The following EHD3 variants were observed in gnomAD, a reference collection of about 807,000 sequenced individuals.
The protein encoded by EHD3 is EH domain-containing protein 3.
Under a neutral mutation model 43.0 loss-of-function variants are expected in EHD3, and 17 were observed. The observed-to-expected ratio is 0.40, with a 90% CI of 0.27 to 0.59. The LOEUF is 0.59. Among genes scored for constraint, EHD3 ranks in the 20% least tolerant of loss-of-function variants. The pLI is 0.49. For synonymous variants in EHD3, 313 were observed against 289.5 expected, an observed-to-expected ratio of 1.08 and a Z score of -0.82; for missense variants, 594 against 705.6, an observed-to-expected ratio of 0.84 and a Z score of 1.79.
intron 1 of EHD3, among the ~76,000 whole-genome samples, chr2:31,237,746 A>T (rs892849024): frequency 2.0e-5 from 3 of 152,204 alleles, no homozygotes; most frequent in Admixed American, 2.0e-4. Flanking sequence ...CTATGTTATA[A>T]GCGTTATTTG....
intron 3 of EHD3, among the ~76,000 whole-genome samples, chr2:31,256,938 C>T (rs1558651016): frequency 6.6e-6 from 1 of 152,228 alleles, no homozygotes; most frequent in Non-Finnish European, 1.5e-5. Context: ...GCATAGGACT[C>T]AACACTGGCT....
chr2:31,250,250 C>CATCATCAT (rs1683609122), intron 3 of EHD3, among the ~76,000 whole-genome samples: 2 of 149,678 alleles, frequency 1.3e-5, no homozygotes. Context: ...AGATGATCAT[C>CATCATCAT]ATCATCATCG....
intron 5 of EHD3, among the ~76,000 whole-genome samples, chr2:31,264,412 A>G (rs1683905460): frequency 6.6e-6 from 1 of 152,198 alleles, no homozygotes; most frequent in South Asian, 2.1e-4. Flanking sequence ...GTGAAGGCCT[A>G]GGACATCACT....
chr2:31,236,262 A>G (rs539317387), intron 1 of EHD3, among the ~76,000 whole-genome samples: 21 of 152,322 alleles, frequency 1.4e-4, no homozygotes, highest in Admixed American at 2.6e-4. Context: ...TAAGAGGCCA[A>G]GTGATTTCTG....
chr2:31,236,702 G>A (rs1157932625), intron 1 of EHD3, among the ~76,000 whole-genome samples: 2 of 152,322 alleles, frequency 1.3e-5, no homozygotes, highest in African/African-American at 4.8e-5. Flanking sequence ...CTCCTTCCTG[G>A]TGTACAATCA....
At chr2:31,252,053 G>A (rs562296824) in intron 3 of EHD3, among the ~76,000 whole-genome samples, 8 of 152,270 alleles carry the variant, frequency 5.3e-5, no homozygotes, top group South Asian at 2.1e-4. Flanking sequence ...CCTGACCAGC[G>A]GGTCCAGAGA....
At chr2:31,261,412 G>A (rs1683852526) in intron 4 of EHD3, 137 bp from the exon 5 acceptor site, 2 of 1,060,488 alleles carry the variant, frequency 1.9e-6, no homozygotes, top group Non-Finnish European at 2.7e-6. Context: ...TGAGGGTAGA[G>A]GTAGAAATTA....
chr2:31,241,519 TC>T (rs1364724903), intron 1 of EHD3, among the ~76,000 whole-genome samples: 4 of 152,152 alleles, frequency 2.6e-5, no homozygotes, highest in African/African-American at 7.2e-5. Context: ...TCCCCAGAAC[TC>T]CCTGTGAGAT....
Position 31,266,203 on chromosome 2 carries a change from C to G in EHD3, c.1107C>G (p.Ser369Arg). 1.2e-6 allele frequency: 2 copies of G among 1,612,310 alleles called. No homozygotes were observed. Among genetic ancestry groups the G allele is most frequent in the Non-Finnish European group, 1.7e-6 (2 of 1,178,578 alleles). Residue 369 changes from serine to arginine, a missense_variant, in exon 6 of 6, where the codon AGC becomes AGG. Around this residue, in one of 3 missense-constraint regions of EHD3, gnomAD observed 322 missense variants for 348.0 expected, o/e 0.93. Transcript: ENST00000322054. The surrounding 1 kb of genome is among the most constrained non-coding windows in gnomAD (Gnocchi z 5.1). The stretch of plus-strand genomic sequence containing the variant: ...ACCAGCTGCAGGCCCAGGACTTTAG[C>G]AAGTTCCAGCCGCTGAAGAGCAAGC... Reference protein sequence around the residue: ...MQDQLQAQDFSKFQPLKSKLL... With the variant: ...MQDQLQAQDFRKFQPLKSKLL...
At chr2:31,259,486 T>C (rs550181202) in intron 3 of EHD3, among the ~76,000 whole-genome samples, 10 of 152,160 alleles carry the variant, frequency 6.6e-5, no homozygotes, top group Non-Finnish European at 1.3e-4. Flanking sequence ...TACTTGGGAT[T>C]GAGCAGAACA....
intron 3 of EHD3, among the ~76,000 whole-genome samples, chr2:31,256,708 C>G (rs1205649866): frequency 6.6e-6 from 1 of 152,248 alleles, no homozygotes; most frequent in African/African-American, 2.4e-5. Context: ...ACACAGCCTT[C>G]TCTTACATCG....
intron 2 of EHD3, among the ~76,000 whole-genome samples, chr2:31,246,089 C>A (rs939125304): frequency 6.6e-6 from 1 of 151,942 alleles, no homozygotes; most frequent in Non-Finnish European, 1.5e-5. Context: ...GAGAGAGAGG[C>A]CCAGGCATGG....
chr2:31,245,744 T>TTG (rs1683510254), intron 2 of EHD3, among the ~76,000 whole-genome samples: 1 of 142,300 alleles, frequency 7.0e-6, no homozygotes, highest in African/African-American at 2.6e-5. Flanking sequence ...TGTTTTTTTT[T>TTG]TTTTTTTTTT....
chr2:31,249,275 A>G (rs1277208838), intron 2 of EHD3, 96 bp from the exon 3 acceptor site: 4 of 1,091,762 alleles, frequency 3.7e-6, no homozygotes, highest in Non-Finnish European at 5.5e-6. Context: ...ATGCACCTGC[A>G]GCTCACCTGA....
At chr2:31,247,566 C>T (rs1270031213) in intron 2 of EHD3, among the ~76,000 whole-genome samples, 2 of 152,110 alleles carry the variant, frequency 1.3e-5, no homozygotes, top group East Asian at 1.9e-4. Flanking sequence ...GAAATGTGGC[C>T]ACAGGAGGGG....
At chr2:31,239,116 C>T (rs618558) in intron 1 of EHD3, among the ~76,000 whole-genome samples, 29,425 of 152,156 alleles carry the variant, frequency 0.19, 4,103 homozygotes, top group African/African-American at 0.4. Context: ...TTGCTGTGGC[C>T]GCACCAGCTC....
chr2:31,258,324 C>T (rs1220449315), intron 3 of EHD3, among the ~76,000 whole-genome samples: 2 of 152,116 alleles, frequency 1.3e-5, no homozygotes, highest in Non-Finnish European at 2.9e-5. Context: ...CTGATCCCAT[C>T]CCCCTACCCC....
chr2:31,239,236 G>A (rs961424361), intron 1 of EHD3, among the ~76,000 whole-genome samples: 2 of 152,192 alleles, frequency 1.3e-5, no homozygotes, highest in African/African-American at 4.8e-5. Flanking sequence ...CACCCCAGTA[G>A]ACCCACTCAC....
At chr2:31,238,828 G>A (rs907182131) in intron 1 of EHD3, among the ~76,000 whole-genome samples, 1 of 152,208 alleles carries the variant, frequency 6.6e-6, no homozygotes, top group Non-Finnish European at 1.5e-5. Context: ...CCATGAGGGA[G>A]GCCTCCCTGG....
Sources: allele counts gnomAD v4.1 joint callset (sites outside exome capture counted in the v4.1 genomes callset), GRCh38; gene constraint gnomAD v4.1.1; regional missense constraint gnomAD v4.1.1; non-coding constraint Gnocchi (gnomAD v3.1); transcripts MANE v1.5; gene names NCBI Gene and HGNC (gene_info 2026-07-23, HGNC 2026-07-21).